The following CTNNA3 variants were observed in gnomAD, a reference collection of about 807,000 sequenced individuals.
The protein encoded by CTNNA3 is catenin alpha-3.
A neutral mutation model predicts 95.7 loss-of-function variants in CTNNA3; 76 were observed. The observed-to-expected ratio is 0.79, with a 90% confidence interval of 0.66 to 0.96. The LOEUF (loss-of-function observed/expected upper bound fraction) is 0.96, where lower values mean the gene tolerates loss of function less well. CTNNA3 is among the 40% of genes least tolerant of loss of function. The pLI, the probability that CTNNA3 is intolerant of heterozygous loss-of-function variation, is 0.00. For synonymous variants in CTNNA3, 431 were observed against 374.4 expected (o/e 1.15, Z -1.74); for missense variants, 1,191 against 1,089.8 (o/e 1.09, Z -1.31).
intron 9 of CTNNA3, among the ~76,000 whole-genome samples, chr10:66,725,495 A>C (rs1848752984): frequency 6.6e-6 from 1 of 152,128 alleles, no homozygotes; most frequent in Non-Finnish European, 1.5e-5. Context: ...AAGTTGATGA[A>C]CACAATAAAC....
chr10:66,318,286 G>A (rs536633023), intron 12 of CTNNA3, among the ~76,000 whole-genome samples: 34 of 151,290 alleles, frequency 2.2e-4, no homozygotes, highest in African/African-American at 5.3e-4. Context: ...ATGTGTGTGT[G>A]TGTGTGTGTG....
intron 5 of CTNNA3, among the ~76,000 whole-genome samples, chr10:67,508,353 G>T (rs1238744535): frequency 6.6e-6 from 1 of 152,132 alleles, no homozygotes; most frequent in African/African-American, 2.4e-5. Context: ...TATTTCACAA[G>T]CCCATAGTTA....
chr10:66,765,286 G>A (rs556897897), intron 9 of CTNNA3, among the ~76,000 whole-genome samples: 5 of 152,252 alleles, frequency 3.3e-5, no homozygotes, highest in Admixed American at 1.3e-4. Context: ...TCTAATTCAC[G>A]TGCTGATTAT....
At chr10:67,516,589 T>A (rs1324267319) in intron 5 of CTNNA3, among the ~76,000 whole-genome samples, 1 of 152,196 alleles carries the variant, frequency 6.6e-6, no homozygotes, top group Non-Finnish European at 1.5e-5. Flanking sequence ...TGACAAAGAT[T>A]GAATATATTC....
chr10:67,217,377 A>G (rs1364650108), intron 6 of CTNNA3, among the ~76,000 whole-genome samples: 1 of 152,188 alleles, frequency 6.6e-6, no homozygotes, highest in East Asian at 1.9e-4. Context: ...AAATATAGAA[A>G]ACTTAGGCAT....
intron 7 of CTNNA3, among the ~76,000 whole-genome samples, chr10:67,041,898 A>C (rs1041545678): frequency 3.3e-5 from 5 of 152,128 alleles, no homozygotes; most frequent in African/African-American, 1.2e-4. Flanking sequence ...TGGGATTGGG[A>C]TCACATTCAT....
intron 10 of CTNNA3, among the ~76,000 whole-genome samples, chr10:66,592,971 C>G (rs1034838326): frequency 6.6e-6 from 1 of 152,014 alleles, no homozygotes; most frequent in East Asian, 1.9e-4. Context: ...TCTGAATTCA[C>G]CCATTATGGA....
chr10:66,162,023 G>A (rs983304736), intron 13 of CTNNA3, among the ~76,000 whole-genome samples: 16 of 151,824 alleles, frequency 1.1e-4, no homozygotes, highest in Admixed American at 2.6e-4. Flanking sequence ...CTGCATTTCC[G>A]AAAGTGTGTC....
At chr10:66,249,630 C>T (rs2090470516) in intron 13 of CTNNA3, among the ~76,000 whole-genome samples, 1 of 152,124 alleles carries the variant, frequency 6.6e-6, no homozygotes, top group Admixed American at 6.5e-5. Context: ...CAAGCAATAA[C>T]AAATGCTAAT....
At position 66,754,668 on chromosome 10, in the gene CTNNA3, T is replaced by G. The variant is rs572741882; in HGVS notation, c.1281+11596A>C. Among the ~76,000 whole-genome samples, 3 of 152,208 alleles carry G rather than the reference T, an allele frequency of 2.0e-5. No homozygotes were observed. In the South Asian group the frequency reaches 6.2e-4, roughly 32 times the overall value. On this transcript the variant is annotated intron_variant, in intron 9 of 17. Transcript: ENST00000433211. The stretch of plus-strand genomic sequence containing the variant: ...CATAAAAATGGGCAAAGGATCCAAA[T>G]AGATATTTCTATTAAAAAGGTATAC...
intron 12 of CTNNA3, among the ~76,000 whole-genome samples, chr10:66,300,059 A>T (rs7902418): frequency 0.28 from 42,350 of 151,232 alleles, 6,367 homozygotes; most frequent in African/African-American, 0.38. Context: ...TGCCTGGCTA[A>T]TTTTTTATAT....
chr10:66,589,481 C>A (rs563323819), intron 10 of CTNNA3, among the ~76,000 whole-genome samples: 22 of 152,164 alleles, frequency 1.4e-4, no homozygotes, highest in East Asian at 9.7e-4. Flanking sequence ...TTAACATTTT[C>A]TCTTTACTAT....
intron 5 of CTNNA3, among the ~76,000 whole-genome samples, chr10:67,425,460 C>G (rs1218853781): frequency 6.9e-6 from 1 of 145,570 alleles, no homozygotes; most frequent in Non-Finnish European, 1.6e-5. Flanking sequence ...TAATTCCATA[C>G]AAAGAATATA....
intron 13 of CTNNA3, among the ~76,000 whole-genome samples, chr10:66,222,622 A>AAGAAAAAG (rs1554895442): frequency 1.5e-5 from 1 of 65,230 alleles, no homozygotes; most frequent in African/African-American, 4.1e-5. Flanking sequence ...GAAAGAAAGA[A>AAGAAAAAG]AAAGAAAGAA....
At chr10:67,322,184 G>T (rs184430444) in intron 5 of CTNNA3, among the ~76,000 whole-genome samples, 1 of 151,766 alleles carries the variant, frequency 6.6e-6, no homozygotes, top group Non-Finnish European at 1.5e-5. Context: ...AGTCTCATAC[G>T]TGTGTTCAAT....
At chr10:67,089,486 T>C (rs549388102) in intron 7 of CTNNA3, among the ~76,000 whole-genome samples, 1 of 152,008 alleles carries the variant, frequency 6.6e-6, no homozygotes, top group Non-Finnish European at 1.5e-5. Flanking sequence ...AGGAGATAGA[T>C]TGCTCTTCGA....
At chr10:66,716,880 T>G (rs1304442234) in intron 9 of CTNNA3, among the ~76,000 whole-genome samples, 1 of 152,204 alleles carries the variant, frequency 6.6e-6, no homozygotes, top group African/African-American at 2.4e-5. Flanking sequence ...TGCCTAGCTA[T>G]CTGGTCAAAT....
rs115106575 is a variant in CTNNA3, at chr10:66,195,279, T to C, written c.1884+85191A>G. ...TACTGAAAAGAGGTTCATTGAGACTTTCTCATCAATCAGAACTATCTAAAA... is the reference window on the plus strand; with the variant it reads ...TACTGAAAAGAGGTTCATTGAGACTCTCTCATCAATCAGAACTATCTAAAA... On this transcript the variant is annotated intron_variant, in intron 13 of 17. Transcript: ENST00000433211. Among the ~76,000 whole-genome samples, 1,262 of 152,224 alleles carry C rather than the reference T, an allele frequency of 8.3e-3. 13 individuals carry two copies. The highest frequency in any genetic ancestry group is 0.028 in the African/African-American group (1,179 of 41,542).
intron 11 of CTNNA3, among the ~76,000 whole-genome samples, chr10:66,419,512 C>T (rs193252432): frequency 6.6e-6 from 1 of 152,126 alleles, no homozygotes; most frequent in East Asian, 1.9e-4. Context: ...GACACTAATG[C>T]CATTTTTCAC....
Sources: allele counts gnomAD v4.1 joint callset (sites outside exome capture counted in the v4.1 genomes callset), GRCh38; gene constraint gnomAD v4.1.1; transcripts MANE v1.5; gene names NCBI Gene and HGNC (gene_info 2026-07-23, HGNC 2026-07-21).